NTN1: variants seen among roughly 807,000 people sequenced by gnomAD.
The protein encoded by NTN1 is netrin-1.
In NTN1, 11 loss-of-function variants were observed where a neutral mutation model predicts 54.2. The observed-to-expected ratio is 0.20, with a 90% CI of 0.13 to 0.34. The LOEUF is 0.34. Among genes scored for constraint, NTN1 ranks in the 10% least tolerant of loss-of-function variants. NTN1 has a pLI of 1.00. For missense variants in NTN1, 740 were observed against 893.1 expected, an observed-to-expected ratio of 0.83 and a Z score of 2.18; for synonymous variants, 371 against 382.0, an observed-to-expected ratio of 0.97 and a Z score of 0.33.
chr17:9,159,694 G>A (rs1239174187), intron 2 of NTN1, among the ~76,000 whole-genome samples: 2 of 152,088 alleles, frequency 1.3e-5, no homozygotes, highest in Admixed American at 6.6e-5. Context: ...GCAGCTACTC[G>A]GGAGGCTGAG....
chr17:9,237,832 T>C (rs112766159), intron 6 of NTN1, among the ~76,000 whole-genome samples: 1 of 152,134 alleles, frequency 6.6e-6, no homozygotes, highest in Admixed American at 6.5e-5. Flanking sequence ...CAGCCACTTC[T>C]CTGGGCTGGA....
chr17:9,239,622 G>A lies in NTN1; in HGVS notation c.1487-18G>A. 6.3e-7 allele frequency: 1 copy of A among 1,599,218 alleles called. No homozygotes were observed. Among genetic ancestry groups the A allele is most frequent in the Non-Finnish European group, 8.6e-7 (1 of 1,168,124 alleles). ...ACAGCAGCTGGGAGCCCACCCGTCT[G>A]CCTGTGCTTCCTTGCAGCCGTCCAG... On this transcript the variant is annotated intron_variant, in intron 6 of 6. Coordinates refer to ENST00000173229, the MANE Select transcript of NTN1 (RefSeq NM_004822.3). The surrounding 1 kb of genome is among the most constrained non-coding windows in gnomAD (Gnocchi z 5.2).
rs1369848249 is a variant in NTN1 at position 9,135,446 on chromosome 17, G to T, written c.1019-27367G>T. Among the ~76,000 whole-genome samples the T allele has an allele frequency of 6.6e-6, 1 of 152,144 alleles. No individual in the cohort carries two copies. The highest frequency in any genetic ancestry group is 1.5e-5 in the Non-Finnish European group (1 of 68,042). ...TTTGGACGTCCTTCCCCCTATTCTC[G>T]GGTTGTCTCCTGTTCCCAGCAATAG... On this transcript the variant is annotated intron_variant, in intron 2 of 6. Coordinates refer to ENST00000173229, the MANE Select transcript of NTN1 (RefSeq NM_004822.3). The surrounding 1 kb of genome is among the most constrained non-coding windows in gnomAD (Gnocchi z 4.4).
At chr17:9,162,649 C>A (rs537663287) in intron 2 of NTN1, among the ~76,000 whole-genome samples, 164 bp from the exon 3 acceptor site, 1 of 152,314 alleles carries the variant, frequency 6.6e-6, no homozygotes, top group Non-Finnish European at 1.5e-5. Flanking sequence ...CTTACGGGTA[C>A]AAACAGGAGG....
At chr17:9,234,482 T>C (rs1267512883) in intron 6 of NTN1, among the ~76,000 whole-genome samples, 2 of 152,206 alleles carry the variant, frequency 1.3e-5, no homozygotes, top group African/African-American at 4.8e-5. Flanking sequence ...CTTCTTGCTT[T>C]CCCTTGGGCA....
At chr17:9,007,150 T>C in the NTN1 span, among the ~76,000 whole-genome samples, 4 of 152,094 alleles carry the variant, frequency 2.6e-5, no homozygotes, top group East Asian at 5.8e-4. Flanking sequence ...CTTTTTTCTT[T>C]CTTCCTTTCC....
chr17:9,041,328 C>T (rs1444407074), intron 2 of NTN1, among the ~76,000 whole-genome samples: 1 of 152,184 alleles, frequency 6.6e-6, no homozygotes, highest in Non-Finnish European at 1.5e-5. Flanking sequence ...GAGCTTTCTA[C>T]GAATTAGCAG....
chr17:9,227,725 ACAT>A lies in NTN1; in HGVS notation c.1486+6486_1486+6488del, dbSNP rs1010318942. On this transcript the variant is annotated intron_variant, in intron 6 of 6. Coordinates refer to ENST00000173229, the MANE Select transcript of NTN1 (RefSeq NM_004822.3). Reference sequence around the variant, plus strand: ...CGTATCACACGCACACACACCACACACATCAGATACACTATCACACACAGACTC... The same window carrying A: ...CGTATCACACGCACACACACCACACACAGATACACTATCACACACAGACTC... Among the ~76,000 whole-genome samples the A allele has an allele frequency of 2.0e-4, 30 of 151,688 alleles. No homozygotes were observed. In the Middle Eastern group the frequency reaches 0.01, roughly 52 times the overall value.
intron 5 of NTN1, among the ~76,000 whole-genome samples, chr17:9,198,776 C>T (rs772098268): frequency 3.0e-4 from 45 of 152,214 alleles, no homozygotes; most frequent in Admixed American, 2.9e-3. Flanking sequence ...GTGGATCCTA[C>T]AGATCCCTAA....
At position 9,167,944 on chromosome 17, in the gene NTN1, C is replaced by T. The variant is rs148877539; in HGVS notation, c.1207+4943C>T. Among the ~76,000 whole-genome samples, 52 of 152,258 alleles carry T rather than the reference C, an allele frequency of 3.4e-4. No homozygotes were observed. The East Asian group carries it at 4.2e-3, about 12-fold the overall frequency. On this transcript the variant is annotated intron_variant, in intron 3 of 6. Transcript: ENST00000173229. ...ACTTGGGGAGATTTGAAAATACTGC[C>T]GCCTGGATCCCACCCCCAGAAATTC...
intron 2 of NTN1, among the ~76,000 whole-genome samples, chr17:9,107,411 C>T (rs191443702): frequency 9.1e-4 from 138 of 152,316 alleles, no homozygotes; most frequent in Non-Finnish European, 1.6e-3. Context: ...ATGTGAAAGA[C>T]ATGTGGGCAC....
At position 9,239,613 on chromosome 17, in the gene NTN1, C is replaced by A. The variant is rs1293973955; in HGVS notation, c.1487-27C>A. 7 of 1,596,234 alleles carry A rather than the reference C, an allele frequency of 4.4e-6. No individual in the cohort carries two copies. The highest frequency in any genetic ancestry group is 6.0e-6 in the Non-Finnish European group (7 of 1,166,576). On this transcript the variant is annotated intron_variant, in intron 6 of 6. Coordinates refer to ENST00000173229, the MANE Select transcript of NTN1 (RefSeq NM_004822.3). This position sits in a 1 kb window ranked among gnomAD's most constrained non-coding sequence, Gnocchi z 5.2. ...GACCTAGCCACAGCAGCTGGGAGCC[C>A]ACCCGTCTGCCTGTGCTTCCTTGCA... is the stretch of plus-strand genomic sequence containing the variant.
chr17:9,183,084 C>A (rs553698199), intron 5 of NTN1, 115 bp downstream of exon 5: 4 of 1,081,982 alleles, frequency 3.7e-6, no homozygotes, highest in East Asian at 4.7e-5. Flanking sequence ...ACTGTCCGGG[C>A]TCTGCTCCGT....
At chr17:9,039,909 T>G (rs148028002) in intron 2 of NTN1, among the ~76,000 whole-genome samples, 27 of 152,350 alleles carry the variant, frequency 1.8e-4, no homozygotes, top group Non-Finnish European at 3.5e-4. Context: ...TTTAGCTTGT[T>G]TCTAGTTTTT....
intron 5 of NTN1, among the ~76,000 whole-genome samples, chr17:9,215,380 A>G (rs1054722230): frequency 6.6e-6 from 1 of 152,150 alleles, no homozygotes; most frequent in African/African-American, 2.4e-5. Flanking sequence ...TATGTTTAAG[A>G]ACCAAATTTG....
At chr17:9,067,793 G>C (rs2092019949) in intron 2 of NTN1, among the ~76,000 whole-genome samples, 1 of 152,196 alleles carries the variant, frequency 6.6e-6, no homozygotes, top group Non-Finnish European at 1.5e-5. Flanking sequence ...GTGACTCAGG[G>C]TGAGGGCTCT....
intron 3 of NTN1, among the ~76,000 whole-genome samples, chr17:9,172,602 GAAAC>G (rs1439146247): frequency 3.3e-5 from 5 of 152,286 alleles, no homozygotes; most frequent in African/African-American, 1.2e-4. Flanking sequence ...CAACAACAAG[GAAAC>G]AAACAACCCA....
In NTN1 at chr17:9,243,800, A is replaced by G. The variant is rs1304766513; in HGVS notation, c.*3832A>G. The G allele has an allele frequency of 6.6e-6, 1 of 151,238 alleles. No homozygotes were observed. Among genetic ancestry groups the G allele is most frequent in the Non-Finnish European group, 1.5e-5 (1 of 67,916 alleles). The allele number at this position is 151,238 out of a possible 1,614,324, so 9.4% of individuals were successfully genotyped here. A position where few individuals can be genotyped will look rare whatever the true frequency, so the allele number is the denominator to read the frequency against. The stretch of plus-strand genomic sequence containing the variant: ...ATTGTTTGGGTCAATGTCCCTTTCC[A>G]ATGCATACTAATATATTATGGTTAT... On this transcript the variant is annotated 3_prime_UTR_variant, in exon 7 of 7. Transcript: ENST00000173229.
In NTN1 at chr17:9,022,825, T is replaced by C; in HGVS notation, c.452T>C (p.Phe151Ser). ...KFEVTYVSLQ[F>S]CSPRPESMAI... ...GAAGTGACCTACGTGAGCCTGCAGT[T>C]CTGCTCGCCGCGGCCCGAGTCCATG... is the stretch of plus-strand genomic sequence containing the variant. The change falls in exon 2 of 7, where the codon TTC becomes TCC. Residue 151 changes from phenylalanine (F) to serine (S), a missense_variant. By Grantham distance (155) the Phe-to-Ser change is radical. Coordinates refer to ENST00000173229, the MANE Select transcript of NTN1 (RefSeq NM_004822.3). 6.2e-7 allele frequency: 1 copy of C among 1,611,728 alleles called. No individual in the cohort carries two copies. Among genetic ancestry groups the C allele is most frequent in the Non-Finnish European group, 8.5e-7 (1 of 1,179,576 alleles).
Sources: gnomAD v4.1 joint callset for allele counts (sites outside exome capture counted in the v4.1 genomes callset) on GRCh38, gnomAD v4.1.1 for gene constraint, Gnocchi (gnomAD v3.1) non-coding constraint, MANE v1.5 for transcripts, NCBI Gene and HGNC (gene_info 2026-07-23, HGNC 2026-07-21) for gene names.